Variants in CHST9 observed in about 807,000 individuals in gnomAD.
CHST9 encodes GalNAc-4-sulfotransferase 2.
A neutral mutation model predicts 44.4 loss-of-function variants in CHST9; 41 were observed. The ratio of observed to expected loss-of-function variants is 0.92; its 90% CI spans 0.72 to 1.20. The LOEUF is 1.20. CHST9 is among the 50% of genes most tolerant of loss of function. CHST9 has a pLI of 0.00. For synonymous variants in CHST9, 171 were observed against 178.4 expected (o/e 0.96, Z 0.33); for missense variants, 504 against 516.5 (o/e 0.98, Z 0.23).
intron 1 of CHST9, among the ~76,000 whole-genome samples, chr18:27,175,052 G>T (rs1451862833): frequency 2.0e-5 from 3 of 152,028 alleles, no homozygotes; most frequent in African/African-American, 4.8e-5. Flanking sequence ...CTAAAACATA[G>T]TAAGTGCCCA....
intron 4 of CHST9, among the ~76,000 whole-genome samples, chr18:26,996,299 T>C (rs2056887315): frequency 1.3e-5 from 2 of 152,200 alleles, no homozygotes; most frequent in Non-Finnish European, 2.9e-5. Context: ...CACACTGATA[T>C]AGTTTGGATG....
chr18:27,158,168 T>C (rs113388575), intron 1 of CHST9, among the ~76,000 whole-genome samples: 2 of 152,220 alleles, frequency 1.3e-5, no homozygotes, highest in Non-Finnish European at 2.9e-5. Context: ...GTTAGTTACA[T>C]ATGTATACAT....
intron 1 of CHST9, among the ~76,000 whole-genome samples, chr18:27,147,515 C>A (rs532199214): frequency 6.6e-6 from 1 of 152,156 alleles, no homozygotes; most frequent in South Asian, 2.1e-4. Context: ...TTCTCCCCTC[C>A]GGTAGCAGCT....
At chr18:27,140,422 T>C (rs1441076047) in intron 2 of CHST9, among the ~76,000 whole-genome samples, 1 of 152,256 alleles carries the variant, frequency 6.6e-6, no homozygotes, top group Non-Finnish European at 1.5e-5. Context: ...CTACATTTTA[T>C]ATGTATGGTA....
intron 2 of CHST9, among the ~76,000 whole-genome samples, chr18:27,109,921 G>A (rs897823973): frequency 2.0e-5 from 3 of 152,148 alleles, no homozygotes; most frequent in Admixed American, 2.0e-4. Flanking sequence ...TTATCCATTA[G>A]CAGGAGGGGA....
At chr18:27,048,335 TA>T (rs1359580864) in intron 3 of CHST9, 129 bp downstream of exon 3, 1 of 646,634 alleles carries the variant, frequency 1.5e-6, no homozygotes, top group Non-Finnish European at 2.6e-6. Context: ...TTAATTAAAT[TA>T]ATATCGATCA....
At chr18:27,121,566 T>G (rs1426872) in intron 2 of CHST9, among the ~76,000 whole-genome samples, 112,569 of 152,022 alleles carry the variant, frequency 0.74, 42,197 homozygotes, top group East Asian at 0.92. Context: ...GGTAAATAAT[T>G]GGGGAAACAG....
chr18:26,920,460 C>T (rs1293408206), intron 5 of CHST9, among the ~76,000 whole-genome samples: 1 of 152,192 alleles, frequency 6.6e-6, no homozygotes, highest in Non-Finnish European at 1.5e-5. Flanking sequence ...GCACTAATCA[C>T]ACTGAGAAAT....
rs139935079 is a variant in CHST9, at chr18:27,054,879, A to G, written c.122-6376T>C. On this transcript the variant is annotated intron_variant, in intron 2 of 5. Transcript: ENST00000618847. ...ATTTATATGTACACTATATATATGT[A>G]GGTATATATATATGTACACACACAC... 2.0e-4 allele frequency among the ~76,000 whole-genome samples: 30 copies of G among 152,274 alleles called. No homozygotes were observed. In the East Asian group the frequency reaches 5.6e-3, roughly 28 times the overall value.
intron 2 of CHST9, among the ~76,000 whole-genome samples, chr18:27,122,328 A>G (rs557244346): frequency 1.1e-3 from 173 of 152,352 alleles, no homozygotes; most frequent in Non-Finnish European, 2.2e-3. Context: ...TACAACTTCA[A>G]TAAGAGCTTT....
At chr18:26,918,537 T>A (rs1279338139) in intron 5 of CHST9, among the ~76,000 whole-genome samples, 1 of 152,134 alleles carries the variant, frequency 6.6e-6, no homozygotes, top group Non-Finnish European at 1.5e-5. Flanking sequence ...TATATGTGTG[T>A]GTGTGTATAC....
At chr18:27,001,249 G>A (rs1307270855) in intron 4 of CHST9, among the ~76,000 whole-genome samples, 1 of 152,200 alleles carries the variant, frequency 6.6e-6, no homozygotes, top group Non-Finnish European at 1.5e-5. Context: ...TAAAAAGCCA[G>A]ACTGACTCTA....
intron 2 of CHST9, among the ~76,000 whole-genome samples, chr18:27,091,205 C>T (rs1278822276): frequency 6.6e-6 from 1 of 152,134 alleles, no homozygotes; most frequent in Non-Finnish European, 1.5e-5. Flanking sequence ...CTCTTTGTAG[C>T]ACTTGTGAAT....
chr18:27,172,029 A>G (rs1482469164), intron 1 of CHST9, among the ~76,000 whole-genome samples: 2 of 152,190 alleles, frequency 1.3e-5, no homozygotes, highest in South Asian at 2.1e-4. Flanking sequence ...GAATTCAAAT[A>G]TACTTATAAT....
intron 4 of CHST9, among the ~76,000 whole-genome samples, chr18:26,975,972 A>G (rs2056619352): frequency 6.6e-6 from 1 of 151,416 alleles, no homozygotes; most frequent in South Asian, 2.1e-4. Context: ...CACCACAGGG[A>G]GGAACCAGGA....
intron 5 of CHST9, among the ~76,000 whole-genome samples, chr18:26,923,943 C>T (rs1340924575): frequency 2.6e-5 from 4 of 152,164 alleles, no homozygotes; most frequent in Non-Finnish European, 4.4e-5. Context: ...AAGGGCTGTA[C>T]ATCCTGACAT....
intron 2 of CHST9, among the ~76,000 whole-genome samples, chr18:27,101,966 G>A (rs1258379677): frequency 6.6e-6 from 1 of 152,300 alleles, no homozygotes. Flanking sequence ...GGAAATCACA[G>A]GTGGCTTCAT....
chr18:27,131,811 T>C (rs1353166769), intron 2 of CHST9, among the ~76,000 whole-genome samples: 6 of 152,288 alleles, frequency 3.9e-5, no homozygotes, highest in African/African-American at 2.4e-5. Context: ...CTACACAGCA[T>C]CCCTATTTTA....
chr18:27,153,718 T>C (rs1315576340), intron 1 of CHST9, among the ~76,000 whole-genome samples: 3 of 152,090 alleles, frequency 2.0e-5, no homozygotes, highest in Non-Finnish European at 4.4e-5. Flanking sequence ...TTTTACCAAA[T>C]AAAATCACAG....
Sources: allele counts gnomAD v4.1 joint callset (sites outside exome capture counted in the v4.1 genomes callset), GRCh38; gene constraint gnomAD v4.1.1; transcripts MANE v1.5; gene names NCBI Gene and HGNC (gene_info 2026-07-23, HGNC 2026-07-21).